Variants in DAAM2 observed in about 807,000 individuals in gnomAD.
DAAM2 encodes the protein disheveled-associated activator of morphogenesis 2.
In DAAM2, 39 loss-of-function variants were observed where a neutral mutation model predicts 120.7. The ratio of observed to expected loss-of-function variants is 0.32; its 90% CI spans 0.25 to 0.42. The LOEUF (loss-of-function observed/expected upper bound fraction) is 0.42, where lower values mean the gene tolerates loss of function less well. Ranked by LOEUF, DAAM2 falls within the 10% of genes least tolerant of loss-of-function variation. The pLI, the probability that DAAM2 is intolerant of heterozygous loss-of-function variation, is 1.00. For missense variants in DAAM2, 1,283 were observed against 1,401.7 expected (o/e 0.92, Z 1.35); for synonymous variants, 488 against 524.9 (o/e 0.93, Z 0.96).
chr6:39,806,640 C>T (rs1762016768), intron 1 of DAAM2, among the ~76,000 whole-genome samples: 1 of 152,142 alleles, frequency 6.6e-6, no homozygotes, highest in African/African-American at 2.4e-5. Flanking sequence ...ATCCTCAACC[C>T]TTCTTTCCTC....
chr6:39,801,597 T>C (rs1319301929), intron 1 of DAAM2, among the ~76,000 whole-genome samples: 1 of 152,242 alleles, frequency 6.6e-6, no homozygotes, highest in Non-Finnish European at 1.5e-5. Flanking sequence ...GTCTGCCAAA[T>C]CTGATTCCTC....
intron 1 of DAAM2, among the ~76,000 whole-genome samples, chr6:39,836,755 A>G (rs960779130): frequency 2.6e-5 from 4 of 152,142 alleles, no homozygotes; most frequent in Non-Finnish European, 4.4e-5. Flanking sequence ...CTCCACGTCC[A>G]CCCTAGATTT....
intron 1 of DAAM2, among the ~76,000 whole-genome samples, chr6:39,814,322 A>G (rs1424454816): frequency 6.6e-6 from 1 of 152,054 alleles, no homozygotes; most frequent in Non-Finnish European, 1.5e-5. Flanking sequence ...ATGACAGAAG[A>G]TGAAGAGCAT....
In DAAM2 at chr6:39,903,933, A is replaced by G; in HGVS notation, c.*1896A>G. On this transcript the variant is annotated 3_prime_UTR_variant, in exon 25 of 25. Coordinates refer to ENST00000274867, the MANE Select transcript of DAAM2 (RefSeq NM_001201427.2). ...AGGCTTCCAGGCAGAACAGCTGCAGAGAGTTTGGCTATATGCATCTGCAGC... is the reference window on the plus strand; with the variant it reads ...AGGCTTCCAGGCAGAACAGCTGCAGGGAGTTTGGCTATATGCATCTGCAGC... 3.0e-6 allele frequency: 1 copy of G among 335,210 alleles called. No individual in the cohort carries two copies. The highest frequency in any genetic ancestry group is 5.8e-6 in the Non-Finnish European group (1 of 172,598). 20.8% of individuals were successfully genotyped at this position (335,210 alleles called of 1,614,324 possible).
Position 39,896,927 on chromosome 6 carries a change from G to C in DAAM2, c.2457G>C (p.Gly819=). ...MNKGQRGGAY[G]FRVASLNKIA... ...AAGGGCAGCGTGGGGGCGCCTACGG[G>C]TTCCGGGTGGCCAGCCTCAACAAGA... The change falls in exon 20 of 25, where the codon GGG becomes GGC. Residue 819 remains glycine (G), a synonymous_variant. Coordinates refer to ENST00000274867, the MANE Select transcript of DAAM2 (RefSeq NM_001201427.2). 2 of 1,613,614 alleles carry C rather than the reference G, an allele frequency of 1.2e-6. No individual in the cohort carries two copies. Among genetic ancestry groups the C allele is most frequent in the Non-Finnish European group, 1.7e-6 (2 of 1,179,730 alleles).
At chr6:39,857,515 T>C (rs1441794773) in intron 2 of DAAM2, among the ~76,000 whole-genome samples, 1 of 152,234 alleles carries the variant, frequency 6.6e-6, no homozygotes, top group Non-Finnish European at 1.5e-5. Flanking sequence ...AGCTTTCCTC[T>C]GGATGGGGCA....
intron 1 of DAAM2, among the ~76,000 whole-genome samples, chr6:39,806,508 A>G (rs1009896898): frequency 6.6e-6 from 1 of 152,118 alleles, no homozygotes; most frequent in Non-Finnish European, 1.5e-5. Flanking sequence ...TGCATTCCCC[A>G]CATTGCCCAG....
At chr6:39,808,874 G>A (rs894679264) in intron 1 of DAAM2, among the ~76,000 whole-genome samples, 3 of 152,206 alleles carry the variant, frequency 2.0e-5, no homozygotes, top group African/African-American at 2.4e-5. Context: ...TTTATACATC[G>A]TGTAATTCAC....
intron 2 of DAAM2, among the ~76,000 whole-genome samples, chr6:39,857,705 G>A (rs1186409087): frequency 6.6e-6 from 1 of 152,302 alleles, no homozygotes; most frequent in Non-Finnish European, 1.5e-5. Flanking sequence ...ACCCTTGCAT[G>A]GCACTTTAGC....
chr6:39,802,210 A>C (rs1004075934), intron 1 of DAAM2, among the ~76,000 whole-genome samples: 8 of 152,206 alleles, frequency 5.3e-5, no homozygotes, highest in African/African-American at 1.4e-4. Flanking sequence ...GTGGCTGCCT[A>C]AATGGAAGCT....
rs1762196768 is a variant in DAAM2 at position 39,812,631 on chromosome 6, TG to T, written c.-57+20168del. On this transcript the variant is annotated intron_variant, in intron 1 of 24. Transcript: ENST00000274867. Reference sequence around the variant, plus strand: ...GTCAGCCTTCTATTCTTAGTGTGGATGGTGACCTCTGACTGTGGAGTCAGCA... The same window carrying T: ...GTCAGCCTTCTATTCTTAGTGTGGATGTGACCTCTGACTGTGGAGTCAGCA... 5.1e-5 allele frequency among the ~76,000 whole-genome samples: 6 copies of T among 118,000 alleles called. No homozygotes were observed. In the South Asian group the frequency reaches 1.8e-3, roughly 36 times the overall value. The allele number at this position is 118,000 out of a possible 152,430, so 77.4% of individuals were successfully genotyped here.
At chr6:39,859,955 G>C (rs1764146300) in intron 2 of DAAM2, among the ~76,000 whole-genome samples, 1 of 152,002 alleles carries the variant, frequency 6.6e-6, no homozygotes, top group Admixed American at 6.5e-5. Context: ...AAAATATAAA[G>C]AGTCATAATA....
chr6:39,894,846 T>A (rs1218130855), intron 19 of DAAM2, among the ~76,000 whole-genome samples: 1 of 152,138 alleles, frequency 6.6e-6, no homozygotes, highest in Non-Finnish European at 1.5e-5. Flanking sequence ...CTCAAACTCC[T>A]GGGCCCAAGT....
At position 39,856,379 on chromosome 6, in the gene DAAM2, A is replaced by G. The variant is rs1356603219; in HGVS notation, c.77A>G (p.Asn26Ser). ...CFGGSDIPEI[N>S]LRDNHPLQFM... ...GGGGGCAGTGACATCCCCGAAATCAACCTCCGGGACAACCACCCTCTGCAG... is the reference window on the plus strand; with the variant it reads ...GGGGGCAGTGACATCCCCGAAATCAGCCTCCGGGACAACCACCCTCTGCAG... The change falls in exon 2 of 25, where the codon AAC becomes AGC. Residue 26 changes from asparagine to serine, a missense_variant. Asn to Ser is a conservative substitution (Grantham distance 46). Around this residue, in one of 3 missense-constraint regions of DAAM2, gnomAD observed 197 missense variants for 189.3 expected, o/e 1.04. Coordinates refer to ENST00000274867, the MANE Select transcript of DAAM2 (RefSeq NM_001201427.2). 1 of 1,551,670 alleles carries G rather than the reference A, an allele frequency of 6.4e-7. No individual in the cohort carries two copies. Among genetic ancestry groups the G allele is most frequent in the Non-Finnish European group, 8.7e-7 (1 of 1,148,514 alleles).
chr6:39,815,651 T>TACACACACACACACACACACAC (rs56736428), intron 1 of DAAM2, among the ~76,000 whole-genome samples: 10 of 149,076 alleles, frequency 6.7e-5, no homozygotes, highest in African/African-American at 2.5e-4. Flanking sequence ...ACCCCTGGTT[T>TACACACACACACACACACACAC]ACACACACAC....
At chr6:39,900,041 CA>C in intron 22 of DAAM2, 35 bp from the exon 23 acceptor site, 2 of 1,585,176 alleles carry the variant, frequency 1.3e-6, no homozygotes, top group Non-Finnish European at 1.7e-6. Context: ...CTCATCTTGG[CA>C]CCAGTCTAAG....
At chr6:39,892,294 A>G (rs537975092) in intron 19 of DAAM2, among the ~76,000 whole-genome samples, 45 of 152,348 alleles carry the variant, frequency 3.0e-4, no homozygotes, top group African/African-American at 1.1e-3. Flanking sequence ...GTTGGTCCTC[A>G]TTTGGTCATC....
At chr6:39,841,129 T>C (rs1194391498) in intron 1 of DAAM2, among the ~76,000 whole-genome samples, 1 of 14,290 alleles carries the variant, frequency 7.0e-5, no homozygotes, top group Non-Finnish European at 1.4e-4. Flanking sequence ...TGGGGAAGGG[T>C]TGGGGAGGGG....
intron 9 of DAAM2, among the ~76,000 whole-genome samples, chr6:39,871,781 G>C (rs1253549193): frequency 6.6e-6 from 1 of 152,094 alleles, no homozygotes; most frequent in Non-Finnish European, 1.5e-5. Flanking sequence ...CAGATGAGAG[G>C]GCATTTATTA....
Sources: allele counts gnomAD v4.1 joint callset (sites outside exome capture counted in the v4.1 genomes callset), GRCh38; gene constraint gnomAD v4.1.1; regional missense constraint gnomAD v4.1.1; transcripts MANE v1.5; gene names NCBI Gene and HGNC (gene_info 2026-07-23, HGNC 2026-07-21).